SH2D1A: variants seen among roughly 807,000 people sequenced by gnomAD.
The protein encoded by SH2D1A is SH2 domain-containing protein 1A.
In SH2D1A, 6 loss-of-function variants were observed where a neutral mutation model predicts 10.1. The ratio of observed to expected loss-of-function variants is 0.60; its 90% CI spans 0.33 to 1.18. The LOEUF (loss-of-function observed/expected upper bound fraction) is 1.18, where lower values mean the gene tolerates loss of function less well. Ranked by LOEUF, SH2D1A falls within the 50% of genes most tolerant of loss-of-function variation. The probability of loss-of-function intolerance (pLI) is 0.04; values close to 1 mark genes in which losing one functional copy is unlikely to be tolerated. For synonymous variants in SH2D1A, 42 were observed against 36.9 expected (o/e 1.14, Z -0.51); for missense variants, 51 against 97.6 (o/e 0.52, Z 2.01).
At chrX:124,346,952 C>G (rs2059994820) in intron 1 of SH2D1A, among the ~76,000 whole-genome samples, 173 bp downstream of exon 1, 1 of 111,820 alleles carries the variant, frequency 8.9e-6, no homozygotes, top group South Asian at 3.7e-4. Context: ...AACACACTTT[C>G]GCCTCAATCC....
At chrX:124,359,485 T>C (rs184288878) in intron 1 of SH2D1A, among the ~76,000 whole-genome samples, 33 of 111,749 alleles carry the variant, frequency 3.0e-4, no homozygotes, top group Non-Finnish European at 5.8e-4. Context: ...TAAGAACCTA[T>C]GCTGTTTCAC....
chrX:124,350,924 A>T (rs2060012185), intron 1 of SH2D1A, among the ~76,000 whole-genome samples: 1 of 47,560 alleles, frequency 2.1e-5, no homozygotes, highest in Admixed American at 2.8e-4. Context: ...TGTATATAAG[A>T]TATATTATAT....
chrX:124,370,336 A>T lies in SH2D1A; in HGVS notation c.346+16A>T. The T allele has an allele frequency of 5.1e-6, 6 of 1,184,279 alleles. No homozygotes were observed. The highest frequency in any genetic ancestry group is 5.7e-6 in the Non-Finnish European group (5 of 870,513). ...GGTACTACAGGTATGATTTCCTCTT[A>T]ATTTTTGACAGGGTTTGGAAGCTCA... On this transcript the variant is annotated intron_variant, in intron 3 of 3. Transcript: ENST00000371139.
At chrX:124,366,810 G>A (rs943305005) in intron 2 of SH2D1A, among the ~76,000 whole-genome samples, 5 of 108,416 alleles carry the variant, frequency 4.6e-5, no homozygotes, top group African/African-American at 1.7e-4. Flanking sequence ...CTGTATCACT[G>A]CAGAGATGAT....
In SH2D1A at chrX:124,372,207, A is replaced by C. The variant is rs1308222338; in HGVS notation, c.*816A>C. ...CTGATTTGTAACAAGCCTCCTTTTA[A>C]AGTAACCCTACAAAACCACTGGAAA... is the stretch of plus-strand genomic sequence containing the variant. On this transcript the variant is annotated 3_prime_UTR_variant, in exon 4 of 4. Coordinates refer to ENST00000371139, the MANE Select transcript of SH2D1A (RefSeq NM_002351.5). 1 of 164,542 alleles carries C rather than the reference A, an allele frequency of 6.1e-6. No individual in the cohort carries two copies. Among genetic ancestry groups the C allele is most frequent in the Non-Finnish European group, 1.2e-5 (1 of 85,737 alleles). 13.6% of individuals were successfully genotyped at this position (164,542 alleles called of 1,213,427 possible).
At chrX:124,365,663 C>T (rs1364976534) in intron 1 of SH2D1A, 98 bp from the exon 2 acceptor site, 6 of 596,791 alleles carry the variant, frequency 1.0e-5, no homozygotes, top group South Asian at 9.2e-5. Context: ...TACGTGTGTC[C>T]TAGTATATGT....
chrX:124,357,426 T>C (rs2060029085), intron 1 of SH2D1A, among the ~76,000 whole-genome samples: 1 of 112,319 alleles, frequency 8.9e-6, no homozygotes, highest in Non-Finnish European at 1.9e-5. Flanking sequence ...ATGTCTTGGC[T>C]ATTGTGAATA....
At position 124,371,914 on chromosome X, in the gene SH2D1A, G is replaced by T. The variant is rs953929231; in HGVS notation, c.*523G>T. On this transcript the variant is annotated 3_prime_UTR_variant, in exon 4 of 4. Transcript: ENST00000371139. Reference sequence around the variant, plus strand: ...AAACAAGCACTAAACAAAGAGTGAAGGATTTATGTTTAATTCTGAAAGCAA... The same window carrying T: ...AAACAAGCACTAAACAAAGAGTGAATGATTTATGTTTAATTCTGAAAGCAA... 5.8e-5 allele frequency: 9 copies of T among 155,294 alleles called. 2 individuals carry two copies. The Middle Eastern group carries it at 0.013, about 227-fold the overall frequency. 12.8% of individuals were successfully genotyped at this position (155,294 alleles called of 1,213,427 possible). A position where few individuals can be genotyped will look rare whatever the true frequency, so the allele number is the denominator to read the frequency against.
chrX:124,370,073 G>C, intron 2 of SH2D1A, 103 bp from the exon 3 acceptor site: 1 of 627,698 alleles, frequency 1.6e-6, no homozygotes. Context: ...ATTTCAACAA[G>C]TTACACAAAT....
Position 124,371,731 on chromosome X carries a change from T to C in SH2D1A, c.*340T>C, listed in dbSNP as rs2060069826. The C allele has an allele frequency of 5.5e-6, 1 of 181,221 alleles. No homozygotes were observed. The highest frequency in any genetic ancestry group is 2.9e-5 in the African/African-American group (1 of 34,310). 14.9% of individuals were successfully genotyped at this position (181,221 alleles called of 1,213,427 possible). On this transcript the variant is annotated 3_prime_UTR_variant, in exon 4 of 4. Coordinates refer to ENST00000371139, the MANE Select transcript of SH2D1A (RefSeq NM_002351.5). ...TCCTCAGTTTTTGTGAAAAGCTCCA[T>C]TTTTAGTGAAATATTATTTTATAGC...
At chrX:124,367,224 G>A (rs193056851) in intron 2 of SH2D1A, among the ~76,000 whole-genome samples, 12 of 111,850 alleles carry the variant, frequency 1.1e-4, no homozygotes, top group Non-Finnish European at 1.9e-4. Flanking sequence ...CATGACATCC[G>A]CAAATAGAAA....
At position 124,372,077 on chromosome X, in the gene SH2D1A, C is replaced by A. The variant is rs1421426489; in HGVS notation, c.*686C>A. On this transcript the variant is annotated 3_prime_UTR_variant, in exon 4 of 4. Transcript: ENST00000371139. ...AGGATTTGAAATTGTATTACAAATC[C>A]AATGAAATGAGTTTTTCTTTTCATT... The A allele has an allele frequency of 1.3e-5, 2 of 158,966 alleles. No individual in the cohort carries two copies. The highest frequency in any genetic ancestry group is 2.4e-5 in the Non-Finnish European group (2 of 82,280). The allele number at this position is 158,966 out of a possible 1,213,427, so 13.1% of individuals were successfully genotyped here. A position where few individuals can be genotyped will look rare whatever the true frequency, so the allele number is the denominator to read the frequency against.
At chrX:124,364,722 C>G (rs973089792) in intron 1 of SH2D1A, among the ~76,000 whole-genome samples, 3 of 110,878 alleles carry the variant, frequency 2.7e-5, no homozygotes, top group African/African-American at 9.8e-5. Context: ...TTGTGTTAAC[C>G]AGGATGGTCT....
chrX:124,350,316 T>C (rs2060007090), intron 1 of SH2D1A, among the ~76,000 whole-genome samples: 3 of 29,743 alleles, frequency 1.0e-4, no homozygotes, highest in African/African-American at 5.0e-4. Flanking sequence ...ATATATTATA[T>C]ATAATATTAT....
intron 1 of SH2D1A, among the ~76,000 whole-genome samples, chrX:124,358,481 T>C (rs998196670): frequency 4.4e-5 from 5 of 112,404 alleles, no homozygotes; most frequent in African/African-American, 1.6e-4. Context: ...TTTAATTTTA[T>C]GTTACAAAAT....
At chrX:124,371,311 G>T (rs760630311) in intron 3 of SH2D1A, 40 bp from the exon 4 acceptor site, 2 of 955,440 alleles carry the variant, frequency 2.1e-6, no homozygotes. Flanking sequence ...TTAATAGTTT[G>T]TAAGTTTATT....
intron 1 of SH2D1A, among the ~76,000 whole-genome samples, chrX:124,361,308 T>C (rs753366671): frequency 6.3e-5 from 7 of 111,763 alleles, no homozygotes; most frequent in Non-Finnish European, 1.3e-4. Context: ...GGCTTCAGAA[T>C]GAAACATACC....
chrX:124,365,205 C>T (rs1011567039), intron 1 of SH2D1A, among the ~76,000 whole-genome samples: 2 of 110,164 alleles, frequency 1.8e-5, no homozygotes, highest in Non-Finnish European at 3.8e-5. Flanking sequence ...TGATGCATGA[C>T]TGTGGCAATA....
Position 124,372,289 on chromosome X carries a change from T to C in SH2D1A, c.*898T>C, listed in dbSNP as rs1253493245. 2 of 167,221 alleles carry C rather than the reference T, an allele frequency of 1.2e-5. No individual in the cohort carries two copies. Among genetic ancestry groups the C allele is most frequent in the Non-Finnish European group, 2.3e-5 (2 of 87,320 alleles). 13.8% of individuals were successfully genotyped at this position (167,221 alleles called of 1,213,427 possible). A position where few individuals can be genotyped will look rare whatever the true frequency, so the allele number is the denominator to read the frequency against. The stretch of plus-strand genomic sequence containing the variant: ...CCAAGTGATTGAAACCTACACGAGA[T>C]ACAGAATTTTATGCGGCATTTTCTT... On this transcript the variant is annotated 3_prime_UTR_variant, in exon 4 of 4. Coordinates refer to ENST00000371139, the MANE Select transcript of SH2D1A (RefSeq NM_002351.5).
Sources: allele counts gnomAD v4.1 joint callset (sites outside exome capture counted in the v4.1 genomes callset), GRCh38; gene constraint gnomAD v4.1.1; transcripts MANE v1.5; gene names NCBI Gene and HGNC (gene_info 2026-07-23, HGNC 2026-07-21).